The following DRD2 variants were observed in gnomAD, a reference collection of about 807,000 sequenced individuals.
The protein encoded by DRD2 is dopamine receptor D2, also known as D(2) dopamine receptor.
In DRD2, 8 loss-of-function variants were observed where a neutral mutation model predicts 38.0. The observed-to-expected ratio is 0.21, with a 90% confidence interval of 0.12 to 0.38. The LOEUF (loss-of-function observed/expected upper bound fraction) is 0.38. Ranked by LOEUF, DRD2 falls within the 10% of genes least tolerant of loss-of-function variation. The pLI is 1.00. For synonymous variants in DRD2, 230 were observed against 238.6 expected, an observed-to-expected ratio of 0.96 and a Z score of 0.33; for missense variants, 403 against 607.7, an observed-to-expected ratio of 0.66 and a Z score of 3.54.
intron 1 of DRD2, among the ~76,000 whole-genome samples, chr11:113,459,881 T>G (rs1440243466): frequency 1.3e-5 from 2 of 152,206 alleles, no homozygotes; most frequent in Non-Finnish European, 2.9e-5. Flanking sequence ...ACGTATCAAA[T>G]TGTCACATGT....
In DRD2 at chr11:113,424,370, C is replaced by T; in HGVS notation, c.282G>A (p.Leu94=). The change falls in exon 2 of 8, where the codon CTG becomes CTA. Residue 94 remains leucine, a synonymous_variant. Transcript: ENST00000362072. ...ATLVMPWVVY[L]EVVGEWKFSR... is the part of the protein sequence containing the mutation. ...AGCAAGCAGGGGGCCCACCTACCTC[C>T]AGGTAGACAACCCAGGGCATGACCA... 1 of 1,614,088 alleles carries T rather than the reference C, an allele frequency of 6.2e-7. No individual in the cohort carries two copies. Among genetic ancestry groups the T allele is most frequent in the Non-Finnish European group, 8.5e-7 (1 of 1,179,990 alleles).
chr11:113,450,109 C>T (rs1951196670), intron 1 of DRD2: 1 of 154,558 alleles, frequency 6.5e-6, no homozygotes, highest in South Asian at 2.0e-4. Flanking sequence ...GAATGGGATC[C>T]TTAGTCTATT....
intron 1 of DRD2, among the ~76,000 whole-genome samples, chr11:113,452,615 G>A (rs1032153837): frequency 6.6e-6 from 1 of 150,704 alleles, no homozygotes; most frequent in Non-Finnish European, 1.5e-5. Flanking sequence ...GGATATCCCA[G>A]TAGTATGGCC....
chr11:113,466,804 T>C (rs1187891814), intron 1 of DRD2, among the ~76,000 whole-genome samples: 1 of 152,208 alleles, frequency 6.6e-6, no homozygotes, highest in Non-Finnish European at 1.5e-5. Context: ...TAGGTTATAA[T>C]AGATTTTAGA....
chr11:113,446,161 C>A (rs931547515), intron 1 of DRD2, among the ~76,000 whole-genome samples: 3 of 152,166 alleles, frequency 2.0e-5, no homozygotes, highest in African/African-American at 4.8e-5. Context: ...TCTTCAGCTC[C>A]CCCTTCCCAC....
At chr11:113,418,878 C>T (rs1387052859) in intron 2 of DRD2, among the ~76,000 whole-genome samples, 1 of 152,228 alleles carries the variant, frequency 6.6e-6, no homozygotes, top group Non-Finnish European at 1.5e-5. Context: ...TGACTCTTGA[C>T]CCAAGCCTGC....
In DRD2 at chr11:113,410,871, G is replaced by A; in HGVS notation, c.1188C>T (p.Asn396=). 1 of 1,613,672 alleles carries A rather than the reference G, an allele frequency of 6.2e-7. No homozygotes were observed. The highest frequency in any genetic ancestry group is 8.5e-7 in the Non-Finnish European group (1 of 1,179,550). Reference sequence around the variant, plus strand: ...GCGGGATGTTGCAGTCACAGTGTATGTTCAGGATGTGTGTGATGAAGAAGG... The same window carrying A: ...GCGGGATGTTGCAGTCACAGTGTATATTCAGGATGTGTGTGATGAAGAAGG... ...WLPFFITHIL[N]IHCDCNIPPV... is the part of the protein sequence containing the mutation. The change falls in exon 8 of 8, where the codon AAC becomes AAT. Residue 396 remains asparagine (N), a synonymous_variant. Coordinates refer to ENST00000362072, the MANE Select transcript of DRD2 (RefSeq NM_000795.4).
At chr11:113,426,772 G>C (rs1488624141) in intron 1 of DRD2, among the ~76,000 whole-genome samples, 1 of 152,206 alleles carries the variant, frequency 6.6e-6, no homozygotes, top group Admixed American at 6.5e-5. Context: ...ATGCCACCAC[G>C]CAGCAAATCT....
chr11:113,474,850 G>A (rs1249358239), intron 1 of DRD2, among the ~76,000 whole-genome samples: 2 of 152,114 alleles, frequency 1.3e-5, no homozygotes, highest in Non-Finnish European at 2.9e-5. Context: ...GTGGCGAGGA[G>A]GCTACTGAGA....
chr11:113,423,544 G>T (rs1203373294), intron 2 of DRD2, among the ~76,000 whole-genome samples: 1 of 152,172 alleles, frequency 6.6e-6, no homozygotes, highest in East Asian at 1.9e-4. Context: ...AAAGTGCTAG[G>T]ATTACAGGCG....
Position 113,412,590 on chromosome 11 carries a change from C to G in DRD2, c.1104G>C (p.Glu368Asp), listed in dbSNP as rs890174542. The change falls in exon 7 of 8, where the codon GAG becomes GAC. Residue 368 changes from glutamate (E) to aspartate (D), a missense_variant. Glu to Asp is a conservative substitution (Grantham distance 45, BLOSUM62 2). Coordinates refer to ENST00000362072, the MANE Select transcript of DRD2 (RefSeq NM_000795.4). ...MSRRKLSQQK[E>D]KKATQMLAIV... is the part of the protein sequence containing the mutation. ...TGGCGAGCATCTGAGTGGCTTTCTT[C>G]TCCTTCTGCTGGGAGAGCTTCCTAC... 3.7e-6 allele frequency: 6 copies of G among 1,614,046 alleles called. No homozygotes were observed. In the Admixed American group the frequency reaches 8.3e-5, roughly 22 times the overall value.
intron 2 of DRD2, among the ~76,000 whole-genome samples, chr11:113,419,691 C>T (rs1409607418): frequency 6.6e-6 from 1 of 152,170 alleles, no homozygotes; most frequent in Non-Finnish European, 1.5e-5. Flanking sequence ...CTCCCGCAAC[C>T]CGGAGTAGGG....
intron 1 of DRD2, among the ~76,000 whole-genome samples, chr11:113,447,090 A>C (rs1392843425): frequency 6.6e-6 from 1 of 152,134 alleles, no homozygotes; most frequent in Non-Finnish European, 1.5e-5. Flanking sequence ...GGGATCCTCT[A>C]GCATGTCATA....
At chr11:113,431,923 CCTGCTCAGGCCACCCA>C (rs1407128659) in intron 1 of DRD2, among the ~76,000 whole-genome samples, 1 of 152,214 alleles carries the variant, frequency 6.6e-6, no homozygotes, top group East Asian at 1.9e-4. Context: ...GGCAGGCCAC[CCTGCTCAGGCCACCCA>C]CTGCACTGCC....
chr11:113,449,318 T>C (rs1196218321), intron 1 of DRD2, among the ~76,000 whole-genome samples: 2 of 152,082 alleles, frequency 1.3e-5, no homozygotes, highest in Admixed American at 6.5e-5. Flanking sequence ...GAGTCTGATA[T>C]GGGAGGCTCT....
In DRD2 at chr11:113,464,198, G is replaced by A. The variant is rs376383558; in HGVS notation, c.-32+10878C>T. 2.2e-4 allele frequency among the ~76,000 whole-genome samples: 34 copies of A among 151,664 alleles called. No individual in the cohort carries two copies. The South Asian group carries it at 5.2e-3, about 23-fold the overall frequency. ...GGGTTCCATGAGCCACGGAGGGAGC[G>A]GAAGAGAAAAGCAGGATGAGAAGAC... is the stretch of plus-strand genomic sequence containing the variant. On this transcript the variant is annotated intron_variant, in intron 1 of 7. Transcript: ENST00000362072.
intron 1 of DRD2, among the ~76,000 whole-genome samples, chr11:113,458,219 G>A (rs1374462507): frequency 6.6e-6 from 1 of 152,232 alleles, no homozygotes; most frequent in African/African-American, 2.4e-5. Flanking sequence ...GTAACACACA[G>A]TGTATGGGCT....
intron 1 of DRD2, among the ~76,000 whole-genome samples, chr11:113,451,041 T>C (rs1160013124): frequency 1.3e-5 from 2 of 152,176 alleles, no homozygotes; most frequent in African/African-American, 4.8e-5. Flanking sequence ...CTCAGTTCCT[T>C]CTCACAGTGG....
intron 1 of DRD2, among the ~76,000 whole-genome samples, chr11:113,458,566 C>A (rs916868376): frequency 3.3e-5 from 5 of 152,170 alleles, no homozygotes; most frequent in African/African-American, 4.8e-5. Flanking sequence ...GGCTATGTAC[C>A]AGTTTTGATC....
Sources: gnomAD v4.1 joint callset for allele counts (sites outside exome capture counted in the v4.1 genomes callset) on GRCh38, gnomAD v4.1.1 for gene constraint, MANE v1.5 for transcripts, NCBI Gene and HGNC (gene_info 2026-07-23, HGNC 2026-07-21) for gene names.